The following SCAF8 variants were observed in gnomAD, a reference collection of about 807,000 sequenced individuals.
The protein encoded by SCAF8 is SR-related CTD associated factor 8.
A neutral mutation model predicts 140.5 loss-of-function variants in SCAF8; 23 were observed. The ratio of observed to expected loss-of-function variants is 0.16; its 90% CI spans 0.12 to 0.23. The LOEUF is 0.23. Ranked by LOEUF, SCAF8 falls within the 10% of genes least tolerant of loss-of-function variation. The pLI is 1.00. For missense variants in SCAF8, 1,397 were observed against 1,555.7 expected, an observed-to-expected ratio of 0.90 and a Z score of 1.72; for synonymous variants, 575 against 528.9, an observed-to-expected ratio of 1.09 and a Z score of -1.20.
intron 1 of SCAF8, among the ~76,000 whole-genome samples, chr6:154,744,140 A>T (rs1041184209): frequency 6.6e-6 from 1 of 152,164 alleles, no homozygotes; most frequent in Non-Finnish European, 1.5e-5. Context: ...TAAAAATATA[A>T]AAATTAGCCA....
chr6:154,829,326 AGTAAT>A (rs1421504555), intron 18 of SCAF8, among the ~76,000 whole-genome samples: 1 of 152,100 alleles, frequency 6.6e-6, no homozygotes, highest in Non-Finnish European at 1.5e-5. Context: ...ACATTTCAAA[AGTAAT>A]GTAATGCAAC....
At chr6:154,760,499 T>G (rs1374892398) in intron 1 of SCAF8, among the ~76,000 whole-genome samples, 1 of 152,164 alleles carries the variant, frequency 6.6e-6, no homozygotes, top group Non-Finnish European at 1.5e-5. Context: ...GGGTTCTAGA[T>G]TTGAAATTCT....
intron 1 of SCAF8, among the ~76,000 whole-genome samples, chr6:154,759,157 G>GT (rs1779038681): frequency 6.6e-6 from 1 of 152,144 alleles, no homozygotes; most frequent in Non-Finnish European, 1.5e-5. Context: ...TTTGTCTTGA[G>GT]TTGGGGATTT....
chr6:154,798,262 C>T (rs1366224132), intron 6 of SCAF8, among the ~76,000 whole-genome samples: 2 of 151,466 alleles, frequency 1.3e-5, no homozygotes, highest in Non-Finnish European at 3.0e-5. Flanking sequence ...AGAGATAATA[C>T]TTTGGCTTGA....
At chr6:154,794,778 GGGGTGTGTGTGTGTGTGTGTGTGTGT>G (rs1777543478) in intron 5 of SCAF8, among the ~76,000 whole-genome samples, 3 of 68,532 alleles carry the variant, frequency 4.4e-5, no homozygotes, top group Non-Finnish European at 8.7e-5. Flanking sequence ...GGGGGTGTGG[GGGGTGTGTGTGTGTGTGTGTGTGTGT>G]GTGTGTGTGT....
At chr6:154,764,591 A>T (rs867676664) in intron 1 of SCAF8, among the ~76,000 whole-genome samples, 1 of 152,210 alleles carries the variant, frequency 6.6e-6, no homozygotes, top group Non-Finnish European at 1.5e-5. Context: ...ACTAACTGGG[A>T]TCAGCAGCCA....
chr6:154,781,528 G>A (rs1256776213), intron 3 of SCAF8, among the ~76,000 whole-genome samples: 3 of 152,296 alleles, frequency 2.0e-5, no homozygotes, highest in East Asian at 3.9e-4. Flanking sequence ...CCTGTATAGC[G>A]AAGACAGTCT....
At chr6:154,735,835 T>G (rs1352175566) in intron 1 of SCAF8, among the ~76,000 whole-genome samples, 1 of 151,716 alleles carries the variant, frequency 6.6e-6, no homozygotes, top group East Asian at 1.9e-4. Flanking sequence ...TTCATAGCTA[T>G]CTTTCTTTTT....
At chr6:154,798,677 A>G (rs1207484183) in intron 6 of SCAF8, among the ~76,000 whole-genome samples, 2 of 151,380 alleles carry the variant, frequency 1.3e-5, no homozygotes, top group Non-Finnish European at 3.0e-5. Context: ...CCCTTACCCC[A>G]CAACAGTCTG....
At chr6:154,782,246 A>G (rs1467686730) in intron 3 of SCAF8, among the ~76,000 whole-genome samples, 1 of 152,138 alleles carries the variant, frequency 6.6e-6, no homozygotes, top group Non-Finnish European at 1.5e-5. Context: ...GTCCCAGCCT[A>G]AAAACTACAA....
At chr6:154,760,247 T>A (rs1358420172) in intron 1 of SCAF8, among the ~76,000 whole-genome samples, 1 of 152,218 alleles carries the variant, frequency 6.6e-6, no homozygotes, top group Non-Finnish European at 1.5e-5. Context: ...TGAGCCAAGA[T>A]GGTGCCACTG....
Position 154,794,896 on chromosome 6 carries a change from A to G in SCAF8, c.476-113A>G, listed in dbSNP as rs530804770. 2.2e-5 allele frequency: 21 copies of G among 969,004 alleles called. 2 individuals are homozygous for G. The South Asian group carries it at 3.5e-4, about 16-fold the overall frequency. The allele number at this position is 969,004 out of a possible 1,614,324, so 60.0% of individuals were successfully genotyped here. A position where few individuals can be genotyped will look rare whatever the true frequency, so the allele number is the denominator to read the frequency against. ...TCAAAGTGGACACAATAAAATAAAA[A>G]CAATATGCGTGCATGTGTTTTATAA... On this transcript the variant is annotated intron_variant, in intron 5 of 19. Transcript: ENST00000367178.
chr6:154,791,382 CTAAA>C (rs367681438), intron 4 of SCAF8, among the ~76,000 whole-genome samples: 1 of 152,264 alleles, frequency 6.6e-6, no homozygotes, highest in African/African-American at 2.4e-5. Flanking sequence ...AATTTCCCAA[CTAAA>C]TAGATTTTCA....
intron 1 of SCAF8, among the ~76,000 whole-genome samples, chr6:154,772,847 CCT>C (rs1392873952): frequency 6.6e-6 from 1 of 152,146 alleles, no homozygotes; most frequent in Non-Finnish European, 1.5e-5. Context: ...GCAACCTCCA[CCT>C]CTTGGGTTCA....
chr6:154,816,628 A>G (rs906037566), intron 13 of SCAF8, among the ~76,000 whole-genome samples: 1 of 152,120 alleles, frequency 6.6e-6, no homozygotes, highest in African/African-American at 2.4e-5. Flanking sequence ...AGGAGACTTA[A>G]TTCATCAGGC....
At position 154,733,872 on chromosome 6, in the gene SCAF8, G is replaced by C. The variant is rs1454231336; in HGVS notation, c.-29G>C. The C allele has an allele frequency of 8.4e-6, 13 of 1,543,490 alleles. No homozygotes were observed. The highest frequency in any genetic ancestry group is 1.4e-5 in the African/African-American group (1 of 69,724). On this transcript the variant is annotated 5_prime_UTR_variant, in exon 1 of 20. Coordinates refer to ENST00000367178, the MANE Select transcript of SCAF8 (RefSeq NM_014892.5). ...TGCAGTGGCCGCCGCCTCTTCCGCC[G>C]CCGGGCTCGGGGCCTCCGCAGCGAC...
chr6:154,806,949 C>G (rs561889298), intron 9 of SCAF8, among the ~76,000 whole-genome samples: 2 of 152,082 alleles, frequency 1.3e-5, no homozygotes, highest in African/African-American at 4.8e-5. Context: ...TGTAATAATA[C>G]AAAAATCACA....
rs193034801 is a variant in SCAF8, at chr6:154,792,019, T to A, written c.322-804T>A. 1.2e-4 allele frequency among the ~76,000 whole-genome samples: 19 copies of A among 152,202 alleles called. No homozygotes were observed. In the East Asian group the frequency reaches 2.9e-3, roughly 23 times the overall value. On this transcript the variant is annotated intron_variant, in intron 4 of 19. Coordinates refer to ENST00000367178, the MANE Select transcript of SCAF8 (RefSeq NM_014892.5). The stretch of plus-strand genomic sequence containing the variant: ...GTTTTTTATTTTTTATTATTTTTTT[T>A]AATTTACAAAATGGTAAAGGATTCA...
At chr6:154,767,694 C>T (rs560253435) in intron 1 of SCAF8, among the ~76,000 whole-genome samples, 1 of 151,930 alleles carries the variant, frequency 6.6e-6, no homozygotes, top group African/African-American at 2.4e-5. Flanking sequence ...GCCACCATGC[C>T]TGGCTAATAT....
Sources: gnomAD v4.1 joint callset for allele counts (sites outside exome capture counted in the v4.1 genomes callset) on GRCh38, gnomAD v4.1.1 for gene constraint, MANE v1.5 for transcripts, NCBI Gene and HGNC (gene_info 2026-07-23, HGNC 2026-07-21) for gene names.